The following IRAK4 variants were observed in gnomAD, a reference collection of about 807,000 sequenced individuals.
IRAK4 encodes interleukin 1 receptor associated kinase 4.
Under a neutral mutation model 51.8 loss-of-function variants are expected in IRAK4, and 44 were observed. That is an observed-to-expected ratio of 0.85 (90% CI 0.67 to 1.09). The LOEUF (loss-of-function observed/expected upper bound fraction) is 1.09, where lower values mean the gene tolerates loss of function less well. Ranked by LOEUF, IRAK4 falls within the 50% of genes least tolerant of loss-of-function variation. The pLI is 0.00. For synonymous variants in IRAK4, 149 were observed against 174.1 expected, an observed-to-expected ratio of 0.86 and a Z score of 1.13; for missense variants, 487 against 538.0, an observed-to-expected ratio of 0.91 and a Z score of 0.94.
chr12:43,770,468 C>T (rs1428833446), intron 2 of IRAK4, among the ~76,000 whole-genome samples: 1 of 152,150 alleles, frequency 6.6e-6, no homozygotes, highest in Non-Finnish European at 1.5e-5. Context: ...GGTTACTCTA[C>T]CTCTCCAAGC....
intron 1 of IRAK4, among the ~76,000 whole-genome samples, chr12:43,762,012 G>T (rs950613786): frequency 4.4e-4 from 66 of 151,036 alleles, no homozygotes; most frequent in African/African-American, 1.6e-3. Flanking sequence ...AAATCTTGAA[G>T]AATTTGAAAG....
intron 1 of IRAK4, among the ~76,000 whole-genome samples, chr12:43,766,133 T>G (rs1165880844): frequency 6.6e-6 from 1 of 152,224 alleles, no homozygotes; most frequent in African/African-American, 2.4e-5. Context: ...CTGTAACTTT[T>G]AGTTTATAAG....
At position 43,782,503 on chromosome 12, in the gene IRAK4, T is replaced by C; in HGVS notation, c.1125+13T>C. On this transcript the variant is annotated intron_variant, in intron 9 of 11. Coordinates refer to ENST00000613694, the MANE Select transcript of IRAK4 (RefSeq NM_016123.4). ...CAGCTTTGGTGTGGTAAGTTCCGTA[T>C]ACATAATTATTAAAAATAATCATTC... 1.3e-6 allele frequency: 2 copies of C among 1,584,278 alleles called. No homozygotes were observed. Among genetic ancestry groups the C allele is most frequent in the African/African-American group, 1.3e-5 (1 of 74,470 alleles).
At chr12:43,762,464 C>A (rs1939667113) in intron 1 of IRAK4, among the ~76,000 whole-genome samples, 1 of 152,052 alleles carries the variant, frequency 6.6e-6, no homozygotes, top group Admixed American at 6.6e-5. Context: ...AGAGAGAAAT[C>A]TTAGTAAGGA....
chr12:43,768,234 A>G lies in IRAK4; in HGVS notation c.123A>G (p.Lys41=), dbSNP rs551138584. 6.6e-5 allele frequency: 106 copies of G among 1,613,008 alleles called. No individual in the cohort carries two copies. The highest frequency in any genetic ancestry group is 2.3e-4 in the Admixed American group (14 of 59,944). ...GWKKLAVAIK[K]PSGDDRYNQF... ...AGAAGTTAGCTGTAGCTATTAAAAA[A>G]CCATCTGGTGATGATAGATACAATC... The change falls in exon 2 of 12, where the codon AAA becomes AAG. Residue 41 remains lysine (K), a synonymous_variant. Coordinates refer to ENST00000613694, the MANE Select transcript of IRAK4 (RefSeq NM_016123.4).
chr12:43,763,711 T>C (rs1177316700), intron 1 of IRAK4, among the ~76,000 whole-genome samples: 3 of 150,930 alleles, frequency 2.0e-5, no homozygotes, highest in Non-Finnish European at 4.4e-5. Context: ...ACCCCCATTT[T>C]CCCTCCCCTC....
chr12:43,786,565 T>A lies in IRAK4; in HGVS notation c.1347+8T>A. On this transcript the variant is annotated splice_region_variant and intron_variant, in intron 11 of 11. Coordinates refer to ENST00000613694, the MANE Select transcript of IRAK4 (RefSeq NM_016123.4). ...AGACCAGACATTAAGAAGGTATGCA[T>A]TTTTTATACTTATTTAAAAAGTGAA... 6.2e-7 allele frequency: 1 copy of A among 1,612,338 alleles called. No individual in the cohort carries two copies. The highest frequency in any genetic ancestry group is 8.5e-7 in the Non-Finnish European group (1 of 1,178,618).
chr12:43,781,274 A>G (rs1177595602), intron 8 of IRAK4, among the ~76,000 whole-genome samples: 1 of 152,184 alleles, frequency 6.6e-6, no homozygotes, highest in Non-Finnish European at 1.5e-5. Context: ...TTCGTAGTCA[A>G]CCTAAATCCA....
chr12:43,775,874 C>CTTTTATTTTTT (rs1941214307), intron 6 of IRAK4, among the ~76,000 whole-genome samples: 1 of 90,530 alleles, frequency 1.1e-5, no homozygotes, highest in African/African-American at 5.0e-5. Flanking sequence ...AATATCATTA[C>CTTTTATTTTTT]TTTTTTTTTT....
intron 2 of IRAK4, chr12:43,770,894 AGGAGTGGGTTAGTTATCTAG>A: frequency 2.0e-6 from 1 of 491,278 alleles, no homozygotes; most frequent in South Asian, 2.0e-5. Flanking sequence ...TCGTCATGGC[AGGAGTGGGTTAGTTATCTAG>A]GGAGTGGGTT....
chr12:43,773,405 T>A (rs1940977630), intron 5 of IRAK4, among the ~76,000 whole-genome samples: 1 of 152,188 alleles, frequency 6.6e-6, no homozygotes, highest in African/African-American at 2.4e-5. Flanking sequence ...TTAAAAAACC[T>A]TGTTTGCATT....
At chr12:43,777,491 C>A in intron 6 of IRAK4, 139 bp from the exon 7 acceptor site, 1 of 681,714 alleles carries the variant, frequency 1.5e-6, no homozygotes, top group Non-Finnish European at 2.2e-6. Context: ...CATATATAAA[C>A]ATAAACATCA....
intron 10 of IRAK4, among the ~76,000 whole-genome samples, chr12:43,784,007 G>T (rs1942005286): frequency 6.6e-6 from 1 of 151,970 alleles, no homozygotes; most frequent in Non-Finnish European, 1.5e-5. Context: ...TTTAGCTTAT[G>T]TTTATTTTGT....
At chr12:43,774,517 G>A (rs4251479) in intron 6 of IRAK4, among the ~76,000 whole-genome samples, 1,785 of 152,312 alleles carry the variant, frequency 0.012, 37 homozygotes, top group African/African-American at 0.04. Context: ...AAAGAGCTGG[G>A]ATTACAGGCG....
At chr12:43,780,826 C>T (rs1032095861) in intron 8 of IRAK4, among the ~76,000 whole-genome samples, 9 of 152,168 alleles carry the variant, frequency 5.9e-5, no homozygotes, top group Non-Finnish European at 1.3e-4. Flanking sequence ...CCGCCTTGGC[C>T]TCCCAAAGTG....
chr12:43,777,685 C>G lies in IRAK4; in HGVS notation c.772C>G (p.Leu258Val), dbSNP rs1941409522. 6.2e-7 allele frequency: 1 copy of G among 1,612,122 alleles called. No individual in the cohort carries two copies. Among genetic ancestry groups the G allele is most frequent in the Admixed American group, 1.7e-5 (1 of 59,906 alleles). The stretch of plus-strand genomic sequence containing the variant: ...TGGTTTCTCAAGTGATGGAGATGAC[C>G]TCTGCTTAGTATATGTTTACATGCC... ...LLGFSSDGDDLCLVYVYMPNG... is the reference protein window; with the variant it reads ...LLGFSSDGDDVCLVYVYMPNG... Residue 258 changes from leucine (L) to valine (V), a missense_variant, in exon 7 of 12, where the codon CTC (leucine) becomes GTC (valine). Physicochemically the swap from Leu to Val is conservative, Grantham distance 32. Coordinates refer to ENST00000613694, the MANE Select transcript of IRAK4 (RefSeq NM_016123.4).
intron 8 of IRAK4, 95 bp downstream of exon 8, chr12:43,778,397 A>G: frequency 1.4e-6 from 1 of 736,742 alleles, no homozygotes; most frequent in East Asian, 2.6e-5. Context: ...CTTAACCTAG[A>G]GCATCTGGAC....
chr12:43,772,497 C>A, intron 4 of IRAK4, 135 bp downstream of exon 4: 1 of 772,298 alleles, frequency 1.3e-6, no homozygotes, highest in Non-Finnish European at 2.2e-6. Context: ...GAGTTGTTTC[C>A]TCCTGATATA....
At chr12:43,769,879 T>G (rs990834312) in intron 2 of IRAK4, among the ~76,000 whole-genome samples, 8 of 152,176 alleles carry the variant, frequency 5.3e-5, no homozygotes, top group African/African-American at 1.7e-4. Context: ...AATTTAATCA[T>G]GAGAAAGTAG....
Sources: allele counts gnomAD v4.1 joint callset (sites outside exome capture counted in the v4.1 genomes callset), GRCh38; gene constraint gnomAD v4.1.1; transcripts MANE v1.5; gene names NCBI Gene and HGNC (gene_info 2026-07-23, HGNC 2026-07-21).